Variants in PARD3B observed in about 807,000 individuals in gnomAD.
PARD3B encodes the protein partitioning defective 3 homolog B.
A neutral mutation model predicts 130.2 loss-of-function variants in PARD3B; 103 were observed. That is an observed-to-expected ratio of 0.79 (90% confidence interval 0.67 to 0.93). PARD3B has a LOEUF of 0.93. Among genes scored for constraint, PARD3B ranks in the 40% least tolerant of loss-of-function variants. The pLI, the probability that PARD3B is intolerant of heterozygous loss-of-function variation, is 0.00. For missense variants in PARD3B, 1,609 were observed against 1,499.2 expected (o/e 1.07, Z -1.21); for synonymous variants, 583 against 553.2 (o/e 1.05, Z -0.76).
At chr2:204,638,627 A>G (rs2034969985) in intron 1 of PARD3B, among the ~76,000 whole-genome samples, 1 of 152,206 alleles carries the variant, frequency 6.6e-6, no homozygotes, top group Non-Finnish European at 1.5e-5. Flanking sequence ...TGAATGTAAC[A>G]TTAAACCATT....
At chr2:204,829,055 A>T (rs1203192968) in intron 2 of PARD3B, among the ~76,000 whole-genome samples, 4 of 152,222 alleles carry the variant, frequency 2.6e-5, no homozygotes, top group African/African-American at 9.6e-5. Context: ...TATATCATGT[A>T]ACTGTTTCAT....
intron 1 of PARD3B, among the ~76,000 whole-genome samples, chr2:204,603,010 A>G (rs1204888453): frequency 6.6e-6 from 1 of 152,124 alleles, no homozygotes; most frequent in Non-Finnish European, 1.5e-5. Context: ...TTACTTTTAG[A>G]AAAACAATTC....
intron 4 of PARD3B, among the ~76,000 whole-genome samples, chr2:205,068,350 C>A (rs1700515646): frequency 6.6e-6 from 1 of 152,102 alleles, no homozygotes; most frequent in Admixed American, 6.6e-5. Flanking sequence ...TGTTCTCCAC[C>A]TAACCCCAAT....
intron 4 of PARD3B, among the ~76,000 whole-genome samples, chr2:205,058,581 T>C (rs758826034): frequency 2.6e-5 from 4 of 152,048 alleles, no homozygotes; most frequent in Non-Finnish European, 5.9e-5. Context: ...TTCCAGTTTC[T>C]CCACATCCTT....
chr2:205,064,110 A>G (rs1358670523), intron 4 of PARD3B, among the ~76,000 whole-genome samples: 17 of 152,216 alleles, frequency 1.1e-4, no homozygotes, highest in Admixed American at 1.1e-3. Flanking sequence ...CACAGGTTAA[A>G]TTTTATAAGC....
intron 2 of PARD3B, among the ~76,000 whole-genome samples, chr2:204,805,605 T>C (rs573076326): frequency 6.6e-6 from 1 of 151,626 alleles, no homozygotes; most frequent in East Asian, 1.9e-4. Flanking sequence ...CAAATACAAA[T>C]CAAAAAAGAA....
intron 15 of PARD3B, among the ~76,000 whole-genome samples, chr2:205,205,945 A>T (rs1455693204): frequency 1.3e-5 from 2 of 152,140 alleles, no homozygotes; most frequent in African/African-American, 4.8e-5. Context: ...TGGTATCAGG[A>T]TGATGCTGGC....
At chr2:204,596,389 C>G (rs1171792398) in intron 1 of PARD3B, among the ~76,000 whole-genome samples, 1 of 152,010 alleles carries the variant, frequency 6.6e-6, no homozygotes, top group Non-Finnish European at 1.5e-5. Context: ...TGCTGGAAGT[C>G]TTGGAGCAGG....
intron 3 of PARD3B, among the ~76,000 whole-genome samples, chr2:205,025,054 C>T (rs1319533763): frequency 6.6e-6 from 1 of 152,060 alleles, no homozygotes; most frequent in Non-Finnish European, 1.5e-5. Context: ...GTTTAACTAG[C>T]GGCACTAAAA....
At chr2:204,653,706 G>C (rs912030745) in intron 1 of PARD3B, among the ~76,000 whole-genome samples, 2 of 148,408 alleles carry the variant, frequency 1.3e-5, no homozygotes, top group Non-Finnish European at 2.9e-5. Flanking sequence ...CAGGAGAATT[G>C]CTTGAACCCA....
chr2:205,143,838 C>A (rs1369967651), intron 10 of PARD3B, among the ~76,000 whole-genome samples: 2 of 152,026 alleles, frequency 1.3e-5, no homozygotes, highest in African/African-American at 2.4e-5. Flanking sequence ...AGGTTCAGAG[C>A]CTAGAAGCAA....
chr2:205,512,903 G>T (rs920377213), intron 21 of PARD3B, among the ~76,000 whole-genome samples: 2 of 151,608 alleles, frequency 1.3e-5, no homozygotes, highest in Non-Finnish European at 2.9e-5. Context: ...GTTTTCCCAT[G>T]ATCACTAATT....
intron 22 of PARD3B, among the ~76,000 whole-genome samples, chr2:205,566,528 G>T (rs1337139125): frequency 6.6e-6 from 1 of 152,136 alleles, no homozygotes; most frequent in African/African-American, 2.4e-5. Flanking sequence ...CCACTTCCCA[G>T]GAGACAAGGC....
At chr2:205,222,983 T>C (rs938871728) in intron 15 of PARD3B, among the ~76,000 whole-genome samples, 1 of 152,138 alleles carries the variant, frequency 6.6e-6, no homozygotes, top group Non-Finnish European at 1.5e-5. Flanking sequence ...ATCAGTGTAG[T>C]ACAGAGTAGA....
rs2041156773 is a variant in PARD3B at position 205,280,770 on chromosome 2, T to G, written c.2186-19760T>G. Among the ~76,000 whole-genome samples the G allele has an allele frequency of 6.6e-6, 1 of 152,228 alleles. No individual in the cohort carries two copies. The highest frequency in any genetic ancestry group is 1.5e-5 in the Non-Finnish European group (1 of 68,032). On this transcript the variant is annotated intron_variant, in intron 16 of 22. Transcript: ENST00000406610. The surrounding 1 kb of genome is among the most constrained non-coding windows in gnomAD (Gnocchi z 4.7). Reference sequence around the variant, plus strand: ...TTTGATACTTGTCTTGGGTAGAATTTGTTGAGGCCTAAAGAAGTAAGCTCT... The same window carrying G: ...TTTGATACTTGTCTTGGGTAGAATTGGTTGAGGCCTAAAGAAGTAAGCTCT...
chr2:204,637,245 T>G (rs1363858182), intron 1 of PARD3B, among the ~76,000 whole-genome samples: 1 of 152,112 alleles, frequency 6.6e-6, no homozygotes, highest in African/African-American at 2.4e-5. Context: ...ATTTAATATT[T>G]TATACTCTGT....
chr2:205,118,568 G>A (rs1368942), intron 6 of PARD3B, among the ~76,000 whole-genome samples: 32,462 of 152,162 alleles, frequency 0.21, 3,869 homozygotes, highest in East Asian at 0.39. Flanking sequence ...ACGTTGCCAC[G>A]TTGGCACTAA....
At chr2:205,606,467 A>G (rs184363948) in intron 22 of PARD3B, among the ~76,000 whole-genome samples, 2 of 151,624 alleles carry the variant, frequency 1.3e-5, no homozygotes, top group African/African-American at 2.4e-5. Flanking sequence ...AAGAACCTGG[A>G]TACCTCAGTA....
At chr2:204,701,761 C>T (rs2037905235) in intron 2 of PARD3B, among the ~76,000 whole-genome samples, 1 of 151,650 alleles carries the variant, frequency 6.6e-6, no homozygotes, top group Non-Finnish European at 1.5e-5. Context: ...CAACTTTTAG[C>T]TTCAGGGGGT....
Sources: gnomAD v4.1 joint callset for allele counts (sites outside exome capture counted in the v4.1 genomes callset) on GRCh38, gnomAD v4.1.1 for gene constraint, Gnocchi (gnomAD v3.1) non-coding constraint, MANE v1.5 for transcripts, NCBI Gene and HGNC (gene_info 2026-07-23, HGNC 2026-07-21) for gene names.